STK3: variants seen among roughly 807,000 people sequenced by gnomAD.
The protein encoded by STK3 is serine/threonine-protein kinase 3.
Under a neutral mutation model 58.0 loss-of-function variants are expected in STK3, and 41 were observed. The observed-to-expected ratio is 0.71, with a 90% CI of 0.55 to 0.92. The LOEUF is 0.92. Among genes scored for constraint, STK3 ranks in the 40% least tolerant of loss-of-function variants. The pLI is 0.00. For missense variants in STK3, 479 were observed against 602.7 expected (o/e 0.79, Z 2.15); for synonymous variants, 170 against 191.0 (o/e 0.89, Z 0.91).
In STK3 at chr8:98,701,378, G is replaced by A. The variant is rs1825600583; in HGVS notation, c.684+5089C>T. 1.3e-5 allele frequency among the ~76,000 whole-genome samples: 2 copies of A among 152,098 alleles called. 1 individual carries two copies. Among genetic ancestry groups the A allele is most frequent in the South Asian group, 4.1e-4 (2 of 4,826 alleles). On this transcript the variant is annotated intron_variant, in intron 6 of 10. Coordinates refer to ENST00000419617, the MANE Select transcript of STK3 (RefSeq NM_006281.4). Reference sequence around the variant, plus strand: ...TACGCCTATAATCCCAGTACTTTGGGAGACCGAGGCAGGTGGATCACTTGA... The same window carrying A: ...TACGCCTATAATCCCAGTACTTTGGAAGACCGAGGCAGGTGGATCACTTGA...
chr8:98,597,059 A>G (rs1440187927), intron 6 of STK3, among the ~76,000 whole-genome samples: 1 of 152,184 alleles, frequency 6.6e-6, no homozygotes, highest in East Asian at 1.9e-4. Context: ...CCAAGAGTAC[A>G]TGCTAATAAT....
chr8:98,531,492 A>G (rs1443826200), intron 9 of STK3, among the ~76,000 whole-genome samples: 1 of 152,214 alleles, frequency 6.6e-6, no homozygotes, highest in African/African-American at 2.4e-5. Context: ...TCCAGGCTTC[A>G]TTATTCCATT....
At chr8:98,511,286 C>G (rs1824494832) in intron 10 of STK3, among the ~76,000 whole-genome samples, 2 of 151,902 alleles carry the variant, frequency 1.3e-5, no homozygotes. Flanking sequence ...TATCCCATAA[C>G]TTTAAAAATA....
At chr8:98,710,535 C>T (rs969287060) in intron 4 of STK3, among the ~76,000 whole-genome samples, 19 of 152,300 alleles carry the variant, frequency 1.2e-4, no homozygotes, top group African/African-American at 4.1e-4. Flanking sequence ...CATGGAGCCT[C>T]GCTCACTGCT....
chr8:98,936,657 A>C (rs2132053056), intron 1 of STK3, among the ~76,000 whole-genome samples: 1 of 152,250 alleles, frequency 6.6e-6, no homozygotes, highest in South Asian at 2.1e-4. Flanking sequence ...CATATGACAC[A>C]CTTGTTCTCC....
chr8:98,518,358 G>A (rs1825097823), intron 10 of STK3, among the ~76,000 whole-genome samples: 1 of 152,056 alleles, frequency 6.6e-6, no homozygotes, highest in Non-Finnish European at 1.5e-5. Context: ...CAGAAATTAT[G>A]GAAGCCTTAA....
chr8:98,874,249 G>A (rs943339070), intron 3 of STK3, among the ~76,000 whole-genome samples: 1 of 152,186 alleles, frequency 6.6e-6, no homozygotes, highest in African/African-American at 2.4e-5. Flanking sequence ...TGGGTAACCT[G>A]ACCTTTCTCT....
intron 7 of STK3, among the ~76,000 whole-genome samples, chr8:98,588,413 G>C (rs893644912): frequency 4.0e-5 from 6 of 151,120 alleles, no homozygotes; most frequent in South Asian, 2.1e-4. Flanking sequence ...CTTTAAGAAT[G>C]TTGAATATTG....
intron 9 of STK3, among the ~76,000 whole-genome samples, chr8:98,528,769 T>C (rs12541026): frequency 0.4 from 61,456 of 152,032 alleles, 12,744 homozygotes; most frequent in East Asian, 0.53. Flanking sequence ...TGGGCAACTG[T>C]AAGTTACAAA....
At chr8:98,586,883 G>A (rs1308478548) in intron 7 of STK3, among the ~76,000 whole-genome samples, 199 of 146,454 alleles carry the variant, frequency 1.4e-3, no homozygotes, top group African/African-American at 4.5e-3. Context: ...GTTTATTTGC[G>A]TAGAGGTGTT....
At position 98,455,001 on chromosome 8, in the gene STK3, T is replaced by C. The variant is rs1214416148; in HGVS notation, c.*841A>G. 7 of 122,668 alleles carry C rather than the reference T, an allele frequency of 5.7e-5. No homozygotes were observed. The highest frequency in any genetic ancestry group is 1.3e-4 in the Non-Finnish European group (7 of 54,568). The allele number at this position is 122,668 out of a possible 1,614,324, so 7.6% of individuals were successfully genotyped here. On this transcript the variant is annotated 3_prime_UTR_variant, in exon 11 of 11. Coordinates refer to ENST00000419617, the MANE Select transcript of STK3 (RefSeq NM_006281.4). ...ATTACAGTTTGAATCAGTTCAGCTA[T>C]TAGATCTACACATAAAACATGAAAC...
intron 6 of STK3, among the ~76,000 whole-genome samples, chr8:98,694,832 G>C (rs540539974): frequency 6.6e-6 from 1 of 152,174 alleles, no homozygotes; most frequent in Non-Finnish European, 1.5e-5. Context: ...TGTCTTTATA[G>C]TAGCATGATT....
intron 7 of STK3, among the ~76,000 whole-genome samples, chr8:98,594,254 C>A (rs998157170): frequency 6.6e-6 from 1 of 152,106 alleles, no homozygotes; most frequent in African/African-American, 2.4e-5. Context: ...TTTCAGTGAG[C>A]GAGATCATGC....
intron 1 of STK3, chr8:98,921,446 G>A (rs992036320): frequency 6.5e-6 from 1 of 153,006 alleles, no homozygotes; most frequent in Non-Finnish European, 1.5e-5. Flanking sequence ...GGCACATGGA[G>A]TGCTGAGGGA....
intron 4 of STK3, among the ~76,000 whole-genome samples, chr8:98,728,961 C>T (rs1827984545): frequency 6.6e-6 from 1 of 152,108 alleles, no homozygotes; most frequent in African/African-American, 2.4e-5. Flanking sequence ...AGAACATATA[C>T]ATATTTTTAA....
At chr8:98,409,583 C>T (rs531725485) in intron 3 of STK3, among the ~76,000 whole-genome samples, 2 of 152,394 alleles carry the variant, frequency 1.3e-5, no homozygotes, top group East Asian at 3.9e-4. Flanking sequence ...AACCTCTCAT[C>T]TCTCTGAATC....
chr8:98,529,007 T>TC (rs34901630), intron 9 of STK3, among the ~76,000 whole-genome samples: 63,155 of 151,858 alleles, frequency 0.42, 13,320 homozygotes, highest in Admixed American at 0.54. Flanking sequence ...CATTCTAGTC[T>TC]ACTGTTCCTC....
intron 6 of STK3, among the ~76,000 whole-genome samples, chr8:98,622,694 A>G (rs887273964): frequency 3.3e-5 from 5 of 152,222 alleles, no homozygotes; most frequent in African/African-American, 1.2e-4. Flanking sequence ...ATCTCAGAAG[A>G]AGACGGAAAT....
chr8:98,389,219 C>T (rs1008451320), upstream of STK3, among the ~76,000 whole-genome samples: 11 of 152,270 alleles, frequency 7.2e-5, no homozygotes, highest in African/African-American at 2.4e-4. Context: ...TCCATGAAAA[C>T]ATTTTGAATC....
Sources: allele counts gnomAD v4.1 joint callset (sites outside exome capture counted in the v4.1 genomes callset), GRCh38; gene constraint gnomAD v4.1.1; transcripts MANE v1.5; gene names NCBI Gene and HGNC (gene_info 2026-07-23, HGNC 2026-07-21).